EMSY: variants seen among roughly 807,000 people sequenced by gnomAD.
EMSY encodes the protein EMSY transcriptional repressor, BRCA2 interacting.
In EMSY, 26 loss-of-function variants were observed where a neutral mutation model predicts 134.6. That is an observed-to-expected ratio of 0.19 (90% CI 0.14 to 0.27). The LOEUF is 0.27. Ranked by LOEUF, EMSY falls within the 10% of genes least tolerant of loss-of-function variation. EMSY has a pLI of 1.00. For synonymous variants in EMSY, 579 were observed against 577.8 expected, an observed-to-expected ratio of 1.00 and a Z score of -0.03; for missense variants, 1,305 against 1,611.4, an observed-to-expected ratio of 0.81 and a Z score of 3.26.
At chr11:76,465,279 G>A (rs1388448090) in intron 7 of EMSY, among the ~76,000 whole-genome samples, 1 of 152,060 alleles carries the variant, frequency 6.6e-6, no homozygotes, top group African/African-American at 2.4e-5. Context: ...AATGGAAAAA[G>A]CCTGTATTTT....
intron 2 of EMSY, among the ~76,000 whole-genome samples, chr11:76,448,659 C>T (rs1185657992): frequency 6.6e-6 from 1 of 151,736 alleles, no homozygotes; most frequent in East Asian, 1.9e-4. Context: ...ATATCATCTT[C>T]ATTGACCCCT....
At chr11:76,489,170 G>A (rs762898910) in intron 8 of EMSY, among the ~76,000 whole-genome samples, 15 of 152,230 alleles carry the variant, frequency 9.9e-5, no homozygotes, top group Non-Finnish European at 2.1e-4. Context: ...GAGGGCAGAG[G>A]AGAAAGGAAA....
intron 16 of EMSY, among the ~76,000 whole-genome samples, chr11:76,539,295 G>A (rs1951344426): frequency 6.6e-6 from 1 of 152,098 alleles, no homozygotes; most frequent in Admixed American, 6.5e-5. Flanking sequence ...TTTAGCAGTG[G>A]TTAAAGGAGA....
At chr11:76,461,370 G>A (rs931435842) in intron 6 of EMSY, among the ~76,000 whole-genome samples, 4 of 152,152 alleles carry the variant, frequency 2.6e-5, no homozygotes, top group Non-Finnish European at 5.9e-5. Flanking sequence ...AATTGAAGGT[G>A]TAGGGGTTAT....
chr11:76,473,611 T>A (rs544810519), intron 8 of EMSY, among the ~76,000 whole-genome samples: 13 of 152,038 alleles, frequency 8.6e-5, no homozygotes, highest in Non-Finnish European at 1.3e-4. Context: ...GCTCTGCTAG[T>A]CTCCTAAATT....
intron 14 of EMSY, among the ~76,000 whole-genome samples, chr11:76,533,133 T>C (rs78266341): frequency 1.3e-4 from 20 of 152,250 alleles, no homozygotes; most frequent in Non-Finnish European, 2.8e-4. Flanking sequence ...AGGTATATAT[T>C]ACATCGTAAA....
chr11:76,476,466 A>T (rs1015414659), intron 8 of EMSY, among the ~76,000 whole-genome samples: 7 of 152,206 alleles, frequency 4.6e-5, no homozygotes, highest in Non-Finnish European at 1.0e-4. Flanking sequence ...GGTACAATTC[A>T]TATGGGAAAA....
exon 21 of EMSY, chr11:76,551,081 G>A (rs770732336): frequency 6.5e-6 from 1 of 152,748 alleles, no homozygotes; most frequent in Non-Finnish European, 1.5e-5. Flanking sequence ...CTGAGACTTT[G>A]AAAATAACTT....
chr11:76,536,641 A>G (rs562584748), intron 15 of EMSY, among the ~76,000 whole-genome samples: 28 of 152,258 alleles, frequency 1.8e-4, no homozygotes, highest in Non-Finnish European at 3.7e-4. Context: ...ATTACTAAAT[A>G]TCTTTGATAA....
Position 76,544,676 on chromosome 11 carries a change from G to C in EMSY, c.3127G>C (p.Val1043Leu), listed in dbSNP as rs752877805. The change falls in exon 19 of 21, where the codon GTA becomes CTA. Residue 1043 changes from valine to leucine, a missense_variant. Val to Leu is a conservative substitution (Grantham distance 32). Around this residue, in one of 7 missense-constraint regions of EMSY, gnomAD observed 664 missense variants for 763.9 expected, o/e 0.87. Transcript: ENST00000334736. ...CTTAATGGCACAGCCCCCGCAAACT[G>C]TAGTACAGGTGCTTGCAGTGAAAAC... The C allele has an allele frequency of 1.1e-5, 18 of 1,614,000 alleles. No individual in the cohort carries two copies. The Admixed American group carries it at 2.5e-4, about 22-fold the overall frequency.
intron 7 of EMSY, among the ~76,000 whole-genome samples, chr11:76,464,614 G>A (rs1281375254): frequency 2.6e-5 from 4 of 152,146 alleles, no homozygotes; most frequent in Non-Finnish European, 5.9e-5. Context: ...AGACCCCTCT[G>A]TCTTCCCACA....
intron 8 of EMSY, among the ~76,000 whole-genome samples, chr11:76,484,911 A>G (rs1420402869): frequency 6.6e-6 from 1 of 151,116 alleles, no homozygotes; most frequent in Non-Finnish European, 1.5e-5. Flanking sequence ...CTGGGTAACA[A>G]GAGCAAAACT....
At chr11:76,458,201 C>T (rs767278997) in exon 5 of EMSY, 15 of 1,613,128 alleles carry the variant, frequency 9.3e-6, no homozygotes, top group Middle Eastern at 1.6e-4. Flanking sequence ...GACCTAATAG[C>T]TCTTCAGAAT....
intron 14 of EMSY, among the ~76,000 whole-genome samples, chr11:76,532,508 T>C (rs1230141044): frequency 6.6e-6 from 1 of 152,152 alleles, no homozygotes; most frequent in East Asian, 1.9e-4. Context: ...TCAGGTCATA[T>C]GTCATATCGT....
rs148113216 is a variant in EMSY, at chr11:76,492,993, G to T, written c.1109-3222G>T. Among the ~76,000 whole-genome samples the T allele has an allele frequency of 3.3e-5, 5 of 152,260 alleles. No homozygotes were observed. The East Asian group carries it at 9.7e-4, about 29-fold the overall frequency. ...ACTGGGGAAAACCTGCCTGTGGAAA[G>T]GAGCTACCCGCTGTGGGTCTCCTCC... On this transcript the variant is annotated intron_variant, in intron 8 of 20. Transcript: ENST00000334736.
At chr11:76,541,493 A>C (rs1951438413) in intron 17 of EMSY, among the ~76,000 whole-genome samples, 2 of 152,226 alleles carry the variant, frequency 1.3e-5, no homozygotes, top group South Asian at 4.1e-4. Context: ...AGGTAGAAAC[A>C]GCAAGCCTTT....
chr11:76,446,988 A>G, exon 2 of EMSY: 1 of 1,613,706 alleles, frequency 6.2e-7, no homozygotes, highest in Non-Finnish European at 8.5e-7. Flanking sequence ...GATGAATGCA[A>G]AAGAATTCTT....
chr11:76,448,720 C>A (rs1947525717), intron 2 of EMSY, among the ~76,000 whole-genome samples: 1 of 151,924 alleles, frequency 6.6e-6, no homozygotes, highest in East Asian at 1.9e-4. Context: ...TTCCTCCCCA[C>A]CCGTTGGCTT....
chr11:76,527,724 C>T (rs1950893258), intron 13 of EMSY, among the ~76,000 whole-genome samples: 1 of 150,576 alleles, frequency 6.6e-6, no homozygotes, highest in Non-Finnish European at 1.5e-5. Context: ...AGGGCCCAAG[C>T]AAGTTTTACT....
Sources: gnomAD v4.1 joint callset for allele counts (sites outside exome capture counted in the v4.1 genomes callset) on GRCh38, gnomAD v4.1.1 for gene constraint, gnomAD v4.1.1 regional missense constraint, MANE v1.5 for transcripts, NCBI Gene and HGNC (gene_info 2026-07-23, HGNC 2026-07-21) for gene names.